The following RBFOX2 variants were observed in gnomAD, a reference collection of about 807,000 sequenced individuals.
The protein encoded by RBFOX2 is RNA binding fox-1 homolog 2, also known as RNA binding protein fox-1 homolog 2.
A neutral mutation model predicts 49.1 loss-of-function variants in RBFOX2; 10 were observed. The observed-to-expected ratio is 0.20, with a 90% CI of 0.13 to 0.35. The LOEUF is 0.35. Ranked by LOEUF, RBFOX2 falls within the 10% of genes least tolerant of loss-of-function variation. RBFOX2 has a pLI of 1.00. For missense variants in RBFOX2, 323 were observed against 486.9 expected, an observed-to-expected ratio of 0.66 and a Z score of 3.17; for synonymous variants, 183 against 187.4, an observed-to-expected ratio of 0.98 and a Z score of 0.19.
chr22:36,025,745 T>C (rs982107254), intron 1 of RBFOX2, among the ~76,000 whole-genome samples: 3 of 152,192 alleles, frequency 2.0e-5, no homozygotes, highest in Non-Finnish European at 4.4e-5. Context: ...AACTTAGAAC[T>C]TGGCCGGGTG....
intron 2 of RBFOX2, among the ~76,000 whole-genome samples, chr22:35,805,056 G>A (rs185764388): frequency 6.6e-6 from 1 of 152,004 alleles, no homozygotes; most frequent in Non-Finnish European, 1.5e-5. Context: ...GGGAGGCCGA[G>A]GCGGGCGGAT....
At chr22:35,983,521 A>G (rs1257558389) in intron 1 of RBFOX2, among the ~76,000 whole-genome samples, 1 of 152,158 alleles carries the variant, frequency 6.6e-6, no homozygotes, top group Non-Finnish European at 1.5e-5. Context: ...TTTTACTTTG[A>G]ATCACTGTGG....
chr22:35,902,263 G>A (rs571900824), intron 1 of RBFOX2, among the ~76,000 whole-genome samples: 3 of 151,996 alleles, frequency 2.0e-5, no homozygotes, highest in East Asian at 1.9e-4. Flanking sequence ...TACCCACTCC[G>A]GTTCTGCACC....
At chr22:35,989,109 T>C (rs1013055386) in intron 1 of RBFOX2, among the ~76,000 whole-genome samples, 2 of 152,226 alleles carry the variant, frequency 1.3e-5, no homozygotes, top group East Asian at 3.8e-4. Context: ...AGATGCACAC[T>C]GAGCAGGTGG....
At chr22:35,830,171 T>C (rs1230722861) in intron 1 of RBFOX2, among the ~76,000 whole-genome samples, 1 of 152,206 alleles carries the variant, frequency 6.6e-6, no homozygotes, top group East Asian at 1.9e-4. Flanking sequence ...AAATCATTAA[T>C]TAACTCAAAA....
intron 4 of RBFOX2, among the ~76,000 whole-genome samples, chr22:35,776,574 AT>A (rs1943959633): frequency 6.6e-6 from 1 of 152,214 alleles, no homozygotes; most frequent in African/African-American, 2.4e-5. Context: ...TTCCCAAAGT[AT>A]GGTGAATTTG....
intron 1 of RBFOX2, among the ~76,000 whole-genome samples, chr22:35,922,805 T>C (rs757133982): frequency 6.6e-6 from 1 of 152,216 alleles, no homozygotes; most frequent in Non-Finnish European, 1.5e-5. Context: ...TTTTGTTTAC[T>C]ATAATCTAAG....
rs528783927 is a variant in RBFOX2 at position 35,771,171 on chromosome 22, C to G, written c.454-2822G>C. ...CACGGCAAAAGGGATTTTGCAGATG[C>G]GATTAAGTTAATGATCTTGAGATAG... On this transcript the variant is annotated intron_variant, in intron 4 of 11. Coordinates refer to ENST00000405409, the Ensembl canonical transcript of RBFOX2. Among the ~76,000 whole-genome samples the G allele has an allele frequency of 2.0e-4, 31 of 152,244 alleles. 1 individual carries two copies. The South Asian group carries it at 6.4e-3, about 32-fold the overall frequency.
intron 1 of RBFOX2, among the ~76,000 whole-genome samples, chr22:35,978,894 G>A (rs956895042): frequency 1.3e-5 from 2 of 152,114 alleles, no homozygotes; most frequent in Non-Finnish European, 2.9e-5. Context: ...AGTCAATAGC[G>A]CTAAGGAGGT....
At chr22:35,776,331 T>C (rs1388044564) in intron 4 of RBFOX2, among the ~76,000 whole-genome samples, 4 of 152,222 alleles carry the variant, frequency 2.6e-5, no homozygotes, top group Non-Finnish European at 4.4e-5. Context: ...TACCAAGTGC[T>C]GGAGAAAGTT....
chr22:35,986,142 C>A (rs1241486574), intron 1 of RBFOX2, among the ~76,000 whole-genome samples: 1 of 152,118 alleles, frequency 6.6e-6, no homozygotes, highest in African/African-American at 2.4e-5. Context: ...TTAATAAATA[C>A]CACTATTATA....
At chr22:35,756,407 T>G (rs566008854) in intron 9 of RBFOX2, among the ~76,000 whole-genome samples, 3 of 152,138 alleles carry the variant, frequency 2.0e-5, no homozygotes, top group African/African-American at 7.2e-5. Context: ...TAAAGTAGGA[T>G]TCACACAATA....
chr22:35,865,502 C>G (rs1259514655), intron 1 of RBFOX2, among the ~76,000 whole-genome samples: 3 of 152,034 alleles, frequency 2.0e-5, no homozygotes, highest in Admixed American at 2.0e-4. Context: ...TTCCAGCGTT[C>G]AAAAAGCCTG....
At chr22:35,872,395 C>T (rs1026062757) in intron 1 of RBFOX2, among the ~76,000 whole-genome samples, 1 of 152,160 alleles carries the variant, frequency 6.6e-6, no homozygotes, top group African/African-American at 2.4e-5. Context: ...TTGTGTTAAT[C>T]AGCTCAATCA....
At chr22:35,953,288 G>A (rs890309160) in intron 1 of RBFOX2, among the ~76,000 whole-genome samples, 1 of 145,342 alleles carries the variant, frequency 6.9e-6, no homozygotes, top group African/African-American at 2.5e-5. Context: ...TAAACAAATT[G>A]TGCTATATAC....
At chr22:35,991,255 C>T (rs779543210) in intron 1 of RBFOX2, among the ~76,000 whole-genome samples, 3 of 151,866 alleles carry the variant, frequency 2.0e-5, no homozygotes, top group Non-Finnish European at 4.4e-5. Flanking sequence ...GCTCACTGTG[C>T]AACAGGAAAA....
chr22:36,006,764 G>C (rs1413817603), intron 1 of RBFOX2, among the ~76,000 whole-genome samples: 1 of 152,118 alleles, frequency 6.6e-6, no homozygotes, highest in Non-Finnish European at 1.5e-5. Context: ...GACCTGCCCT[G>C]CTTATCCACT....
Position 35,759,998 on chromosome 22 carries a change from A to T in RBFOX2, c.777T>A (p.Thr259=). 1.9e-6 allele frequency: 3 copies of T among 1,613,876 alleles called. No homozygotes were observed. Among genetic ancestry groups the T allele is most frequent in the Non-Finnish European group, 2.5e-6 (3 of 1,180,026 alleles). The stretch of plus-strand genomic sequence containing the variant: ...TGAAAGCGGCTGCCGTGGTGGCTGC[A>T]GTAGGGTAAGGGAAGCCAGGAACTA... Residue 259 remains threonine (T), a synonymous_variant, in exon 9 of 12, where the codon ACT becomes ACA. Coordinates refer to ENST00000405409, the Ensembl canonical transcript of RBFOX2. This position sits in a 1 kb window ranked among gnomAD's most constrained non-coding sequence, Gnocchi z 4.6.
intron 1 of RBFOX2, among the ~76,000 whole-genome samples, chr22:35,847,910 A>T (rs1224090809): frequency 6.6e-6 from 1 of 152,156 alleles, no homozygotes; most frequent in African/African-American, 2.4e-5. Context: ...GCTGCAAAAG[A>T]CTTTCATCAA....
Sources: allele counts gnomAD v4.1 joint callset (sites outside exome capture counted in the v4.1 genomes callset), GRCh38; gene constraint gnomAD v4.1.1; non-coding constraint Gnocchi (gnomAD v3.1); transcripts MANE v1.5; gene names NCBI Gene and HGNC (gene_info 2026-07-23, HGNC 2026-07-21).